The following UBE2L3 variants were observed in gnomAD, a reference collection of about 807,000 sequenced individuals.
UBE2L3 encodes the protein ubiquitin-conjugating enzyme E2 L3.
UBE2L3 carries 1 observed loss-of-function variant against 17.8 expected under a neutral mutation model. The ratio of observed to expected loss-of-function variants is 0.06; its 90% confidence interval spans 0.02 to 0.27. UBE2L3 has a LOEUF of 0.27. Among genes scored for constraint, UBE2L3 ranks in the 10% least tolerant of loss-of-function variants. UBE2L3 has a pLI of 1.00. For synonymous variants in UBE2L3, 44 were observed against 68.5 expected (o/e 0.64, Z 1.76); for missense variants, 40 against 192.6 (o/e 0.21, Z 4.69).
At chr22:21,610,282 T>G (rs1929411883) in intron 2 of UBE2L3, among the ~76,000 whole-genome samples, 2 of 152,218 alleles carry the variant, frequency 1.3e-5, no homozygotes, top group South Asian at 4.1e-4. Flanking sequence ...TACCATCACA[T>G]TGGTGATTAG....
In UBE2L3 at chr22:21,593,197, C is replaced by G. The variant is rs145292610; in HGVS notation, c.123+241C>G. On this transcript the variant is annotated intron_variant, in intron 2 of 3. Transcript: ENST00000342192. ...CCTGAGCTTTGCAGATCTGTAGACACAGAGAAAAGGAGTGTGTCTGTGCTC... is the reference window on the plus strand; with the variant it reads ...CCTGAGCTTTGCAGATCTGTAGACAGAGAGAAAAGGAGTGTGTCTGTGCTC... Among the ~76,000 whole-genome samples, 1,475 of 152,214 alleles carry G rather than the reference C, an allele frequency of 9.7e-3. 29 individuals carry two copies. The highest frequency in any genetic ancestry group is 0.034 in the African/African-American group (1,406 of 41,512).
intron 1 of UBE2L3, among the ~76,000 whole-genome samples, chr22:21,581,513 A>C (rs922887524): frequency 6.6e-6 from 1 of 152,000 alleles, no homozygotes. Context: ...GGAAAAAAAA[A>C]CCTTCAGGCT....
intron 1 of UBE2L3, among the ~76,000 whole-genome samples, chr22:21,592,595 A>G (rs1928322670): frequency 6.6e-6 from 1 of 152,166 alleles, no homozygotes; most frequent in Non-Finnish European, 1.5e-5. Flanking sequence ...CTGCAGAAGC[A>G]TGGTTCCCCC....
intron 3 of UBE2L3, among the ~76,000 whole-genome samples, chr22:21,611,493 T>C (rs1299128447): frequency 6.6e-6 from 1 of 152,170 alleles, no homozygotes. Context: ...GGGCATGGGC[T>C]AGAGCCTAGT....
intron 3 of UBE2L3, among the ~76,000 whole-genome samples, chr22:21,618,424 G>C (rs923988754): frequency 4.0e-5 from 6 of 151,884 alleles, no homozygotes; most frequent in Admixed American, 3.9e-4. Flanking sequence ...AAATTAGCCG[G>C]GCATGGTGGC....
At chr22:21,604,326 C>G (rs571605364) in intron 2 of UBE2L3, among the ~76,000 whole-genome samples, 1 of 152,002 alleles carries the variant, frequency 6.6e-6, no homozygotes, top group Non-Finnish European at 1.5e-5. Flanking sequence ...CGGTGAAACC[C>G]CGTCTCTACT....
intron 1 of UBE2L3, among the ~76,000 whole-genome samples, chr22:21,570,848 G>A (rs1302122359): frequency 6.6e-6 from 1 of 152,160 alleles, no homozygotes; most frequent in East Asian, 1.9e-4. Context: ...TAGCAATCTA[G>A]CAAATGTTGA....
chr22:21,602,083 G>T (rs1333385105), intron 2 of UBE2L3, among the ~76,000 whole-genome samples: 1 of 152,110 alleles, frequency 6.6e-6, no homozygotes, highest in South Asian at 2.1e-4. Context: ...AGCCCACAGG[G>T]CTGGTCTCAG....
intron 1 of UBE2L3, among the ~76,000 whole-genome samples, chr22:21,551,866 AACAC>A (rs1178845974): frequency 6.4e-3 from 23 of 3,622 alleles, no homozygotes; most frequent in African/African-American, 0.046. Context: ...CTGCAGAAGA[AACAC>A]ACACACACAC....
chr22:21,583,770 C>G (rs1011452149), intron 1 of UBE2L3, among the ~76,000 whole-genome samples: 4 of 152,208 alleles, frequency 2.6e-5, no homozygotes, highest in African/African-American at 9.6e-5. Context: ...AAGAGTTTGG[C>G]ACTGAGTCAA....
rs185138358 is a variant in UBE2L3 at position 21,607,114 on chromosome 22, C to T, written c.124-3743C>T. The stretch of plus-strand genomic sequence containing the variant: ...GATGTAGGAGAATGTGGAGAACTGG[C>T]GCACGCCAGCCTTGCTCCCCAGCAG... On this transcript the variant is annotated intron_variant, in intron 2 of 3. Coordinates refer to ENST00000342192, the MANE Select transcript of UBE2L3 (RefSeq NM_003347.4). Among the ~76,000 whole-genome samples the T allele has an allele frequency of 1.2e-3, 190 of 152,242 alleles. 1 individual carries two copies. The highest frequency in any genetic ancestry group is 6.8e-3 in the Middle Eastern group (2 of 294).
intron 2 of UBE2L3, among the ~76,000 whole-genome samples, chr22:21,602,397 A>G (rs1928913974): frequency 6.6e-6 from 1 of 152,134 alleles, no homozygotes. Context: ...CAACCAGAAG[A>G]CACCTTGACT....
At chr22:21,567,981 C>G in intron 1 of UBE2L3, 5 of 1,366,240 alleles carry the variant, frequency 3.7e-6, no homozygotes, top group Non-Finnish European at 4.7e-6. Flanking sequence ...CGCTGGGAGC[C>G]GCTGTCGGCC....
upstream of UBE2L3, among the ~76,000 whole-genome samples, chr22:21,566,335 C>T (rs1015681390): frequency 8.6e-5 from 13 of 151,952 alleles, no homozygotes; most frequent in African/African-American, 3.1e-4. Flanking sequence ...TGTAATCCCA[C>T]CACTTTGGGA....
intron 1 of UBE2L3, among the ~76,000 whole-genome samples, chr22:21,591,129 C>T (rs1454471126): frequency 1.3e-5 from 2 of 152,156 alleles, no homozygotes; most frequent in African/African-American, 2.4e-5. Context: ...CCTCAGGTTC[C>T]GTACCTCCTT....
chr22:21,619,602 C>T (rs895002243), intron 3 of UBE2L3, among the ~76,000 whole-genome samples: 3 of 152,240 alleles, frequency 2.0e-5, no homozygotes, highest in African/African-American at 7.2e-5. Flanking sequence ...GGACACCAGG[C>T]CAGGAGTACT....
chr22:21,568,471 C>A (rs994380393), intron 1 of UBE2L3: 2 of 979,236 alleles, frequency 2.0e-6, no homozygotes, highest in African/African-American at 3.5e-5. Flanking sequence ...ATCTCCCCTC[C>A]CTGATAAAGT....
At chr22:21,558,731 C>G (rs1326415972) in intron 1 of UBE2L3, among the ~76,000 whole-genome samples, 1 of 151,250 alleles carries the variant, frequency 6.6e-6, no homozygotes, top group African/African-American at 2.4e-5. Context: ...CTCGAGTGAT[C>G]CTCCCACCTC....
chr22:21,615,534 G>A (rs1201532264), intron 3 of UBE2L3, among the ~76,000 whole-genome samples: 25 of 147,464 alleles, frequency 1.7e-4, no homozygotes, highest in South Asian at 6.4e-4. Context: ...CAGCCTGGGC[G>A]ACAGAGCAAG....
Sources: gnomAD v4.1 joint callset for allele counts (sites outside exome capture counted in the v4.1 genomes callset) on GRCh38, gnomAD v4.1.1 for gene constraint, MANE v1.5 for transcripts, NCBI Gene and HGNC (gene_info 2026-07-23, HGNC 2026-07-21) for gene names.